The following VSTM2A variants were observed in gnomAD, a reference collection of about 807,000 sequenced individuals.
VSTM2A encodes V-set and transmembrane domain containing 2A.
In VSTM2A, 13 loss-of-function variants were observed where a neutral mutation model predicts 27.3. The observed-to-expected ratio is 0.48, with a 90% CI of 0.31 to 0.76. VSTM2A has a LOEUF of 0.76. VSTM2A is among the 30% of genes least tolerant of loss of function. VSTM2A has a pLI of 0.05. For missense variants in VSTM2A, 280 were observed against 310.0 expected (o/e 0.90, Z 0.73); for synonymous variants, 142 against 125.7 (o/e 1.13, Z -0.87).
chr7:54,545,112 C>T (rs1313915041), intron 2 of VSTM2A, among the ~76,000 whole-genome samples: 1 of 150,056 alleles, frequency 6.7e-6, no homozygotes, highest in Non-Finnish European at 1.5e-5. Flanking sequence ...GAGCCCCTTT[C>T]CAGGACGAAA....
Position 54,544,681 on chromosome 7 carries a change from T to C in VSTM2A, c.139T>C (p.Ser47Pro). The part of the protein sequence containing the change: ...TATEGQNVEM[S>P]CAFQSGSASV... ...GACCGAGGGGCAGAATGTGGAGATG[T>C]CCTGCGCCTTCCAGAGCGGCTCCGC... The change falls in exon 2 of 5, where the codon TCC becomes CCC. Residue 47 changes from serine (S) to proline (P), a missense_variant. Physicochemically the swap from Ser to Pro is moderately conservative, Grantham distance 74. Coordinates refer to ENST00000402613, the MANE Select transcript of VSTM2A (RefSeq NM_001301009.2). The C allele has an allele frequency of 1.2e-6, 2 of 1,612,942 alleles. No individual in the cohort carries two copies. Among genetic ancestry groups the C allele is most frequent in the Middle Eastern group, 1.7e-4 (1 of 6,060 alleles).
intron 4 of VSTM2A, among the ~76,000 whole-genome samples, chr7:54,552,788 C>G (rs1788234169): frequency 1.3e-5 from 2 of 152,128 alleles, no homozygotes. Context: ...ATTGTACTAG[C>G]CTTTTATCTT....
At chr7:54,553,818 C>G (rs1205773733) in intron 4 of VSTM2A, 1 of 1,549,434 alleles carries the variant, frequency 6.5e-7, no homozygotes, top group Admixed American at 2.0e-5. Flanking sequence ...CCCCCAAATA[C>G]CCCAATATAC....
intron 4 of VSTM2A, chr7:54,552,673 T>G (rs1366750231): frequency 6.6e-6 from 1 of 152,236 alleles, no homozygotes; most frequent in Non-Finnish European, 1.5e-5. Context: ...AACAAAATAT[T>G]TGTACATTCC....
At chr7:54,561,460 A>G (rs781125444) in intron 4 of VSTM2A, among the ~76,000 whole-genome samples, 10 of 152,230 alleles carry the variant, frequency 6.6e-5, no homozygotes, top group Non-Finnish European at 1.0e-4. Context: ...ATCCTTCATT[A>G]TGTATTTGTG....
chr7:54,553,218 C>T (rs1340345647), intron 4 of VSTM2A, among the ~76,000 whole-genome samples: 1 of 152,186 alleles, frequency 6.6e-6, no homozygotes, highest in African/African-American at 2.4e-5. Context: ...TGACTTTCCC[C>T]TCCCACTTAA....
At chr7:54,568,502 A>T (rs952529336) in intron 4 of VSTM2A, among the ~76,000 whole-genome samples, 1 of 152,144 alleles carries the variant, frequency 6.6e-6, no homozygotes, top group East Asian at 1.9e-4. Flanking sequence ...AATTCTTGAT[A>T]GCACTAACTT....
Position 54,569,746 on chromosome 7 carries a change from A to G in VSTM2A, c.*527A>G, listed in dbSNP as rs572828018. On this transcript the variant is annotated 3_prime_UTR_variant, in exon 5 of 5. Coordinates refer to ENST00000402613, the MANE Select transcript of VSTM2A (RefSeq NM_001301009.2). ...ATGGCCAATCTCCGTCAATCCTAGG[A>G]GGTTTATAGAACTACATTTTGAGTG... is the stretch of plus-strand genomic sequence containing the variant. 1 of 154,084 alleles carries G rather than the reference A, an allele frequency of 6.5e-6. No homozygotes were observed. Among genetic ancestry groups the G allele is most frequent in the African/African-American group, 2.4e-5 (1 of 41,498 alleles). The allele number at this position is 154,084 out of a possible 1,614,324, so 9.5% of individuals were successfully genotyped here. A position where few individuals can be genotyped will look rare whatever the true frequency, so the allele number is the denominator to read the frequency against.
chr7:54,556,301 A>G (rs1788355362), intron 4 of VSTM2A, among the ~76,000 whole-genome samples: 1 of 152,154 alleles, frequency 6.6e-6, no homozygotes, highest in African/African-American at 2.4e-5. Flanking sequence ...ACTATGAAAT[A>G]CAATTATTGT....
Position 54,544,681 on chromosome 7 carries a change from T to G in VSTM2A, c.139T>G (p.Ser47Ala). 1 of 1,612,944 alleles carries G rather than the reference T, an allele frequency of 6.2e-7. No homozygotes were observed. Among genetic ancestry groups the G allele is most frequent in the South Asian group, 1.1e-5 (1 of 91,084 alleles). The change falls in exon 2 of 5, where the codon TCC becomes GCC. Residue 47 changes from serine (S) to alanine (A), a missense_variant. Physicochemically the swap from Ser to Ala is moderately conservative, Grantham distance 99. Coordinates refer to ENST00000402613, the MANE Select transcript of VSTM2A (RefSeq NM_001301009.2). ...TATEGQNVEMSCAFQSGSASV... is the reference protein window; with the variant it reads ...TATEGQNVEMACAFQSGSASV... ...GACCGAGGGGCAGAATGTGGAGATG[T>G]CCTGCGCCTTCCAGAGCGGCTCCGC...
chr7:54,559,932 A>T (rs1406723172), intron 4 of VSTM2A: 2 of 152,202 alleles, frequency 1.3e-5, no homozygotes, highest in Non-Finnish European at 1.5e-5. Context: ...CCATGTGCAT[A>T]GAAAAATAAA....
chr7:54,549,922 T>G lies in VSTM2A; in HGVS notation c.386T>G (p.Val129Gly). The G allele has an allele frequency of 6.2e-7, 1 of 1,613,834 alleles. No homozygotes were observed. The highest frequency in any genetic ancestry group is 8.5e-7 in the Non-Finnish European group (1 of 1,179,854). ...KKDEGLYECR[V>G]TDANYGELQE... ...GATGAAGGCTTATATGAGTGCAGGG[T>G]GACTGATGCCAACTACGGGGAGCTT... Residue 129 changes from valine (V) to glycine (G), a missense_variant, in exon 4 of 5, where the codon GTG becomes GGG. Coordinates refer to ENST00000402613, the MANE Select transcript of VSTM2A (RefSeq NM_001301009.2).
chr7:54,559,980 T>C (rs1788502012), intron 4 of VSTM2A: 6 of 152,200 alleles, frequency 3.9e-5, no homozygotes, highest in Admixed American at 3.3e-4. Context: ...ATGTAAGTTA[T>C]GATTTTTAAT....
chr7:54,544,551 G>C, intron 1 of VSTM2A, 71 bp from the exon 2 acceptor site: 1 of 1,587,622 alleles, frequency 6.3e-7, no homozygotes. Context: ...AAAATGTAGC[G>C]AGCTCTCAAG....
At chr7:54,563,460 C>T (rs1289437128) in intron 4 of VSTM2A, among the ~76,000 whole-genome samples, 1 of 152,176 alleles carries the variant, frequency 6.6e-6, no homozygotes, top group African/African-American at 2.4e-5. Flanking sequence ...AAAATCAGTT[C>T]TTGCTTGAAT....
intron 4 of VSTM2A, among the ~76,000 whole-genome samples, chr7:54,566,536 C>CAATT (rs1369952979): frequency 6.6e-6 from 1 of 152,090 alleles, no homozygotes; most frequent in Non-Finnish European, 1.5e-5. Flanking sequence ...AATGGACAGG[C>CAATT]AATTATCTGA....
Position 54,550,119 on chromosome 7 carries a change from A to T in VSTM2A, c.583A>T (p.Thr195Ser). 6.2e-7 allele frequency: 1 copy of T among 1,607,072 alleles called. No individual in the cohort carries two copies. The highest frequency in any genetic ancestry group is 8.5e-7 in the Non-Finnish European group (1 of 1,176,884). Residue 195 changes from threonine to serine, a missense_variant, in exon 4 of 5, where the codon ACC becomes TCC. Coordinates refer to ENST00000402613, the MANE Select transcript of VSTM2A (RefSeq NM_001301009.2). ...HGSANQRTHS[T>S]SSPQVVAKIP... ...CTCTGCCAACCAACGAACGCACTCC[A>T]CCTCCAGCCCTCAAGTGGTAGCCAA...
At chr7:54,547,219 C>G in intron 3 of VSTM2A, 2 of 488,538 alleles carry the variant, frequency 4.1e-6, no homozygotes, top group Non-Finnish European at 7.0e-6. Flanking sequence ...GAATCGTTTG[C>G]TATCCAGAGA....
chr7:54,550,916 C>A (rs1396383206), intron 4 of VSTM2A: 1 of 152,214 alleles, frequency 6.6e-6, no homozygotes, highest in African/African-American at 2.4e-5. Context: ...CCCTGCACAA[C>A]CCCGCGGCCG....
Sources: gnomAD v4.1 joint callset for allele counts (sites outside exome capture counted in the v4.1 genomes callset) on GRCh38, gnomAD v4.1.1 for gene constraint, MANE v1.5 for transcripts, NCBI Gene and HGNC (gene_info 2026-07-23, HGNC 2026-07-21) for gene names.